The following TNIK variants were observed in gnomAD, a reference collection of about 807,000 sequenced individuals.
TNIK encodes TRAF2 and NCK-interacting protein kinase.
A neutral mutation model predicts 191.3 loss-of-function variants in TNIK; 49 were observed. The ratio of observed to expected loss-of-function variants is 0.26; its 90% CI spans 0.20 to 0.32. The LOEUF (loss-of-function observed/expected upper bound fraction) is 0.32. Among genes scored for constraint, TNIK ranks in the 10% least tolerant of loss-of-function variants. The pLI is 1.00. For missense variants in TNIK, 1,155 were observed against 1,702.3 expected, an observed-to-expected ratio of 0.68 and a Z score of 5.66; for synonymous variants, 594 against 600.9, an observed-to-expected ratio of 0.99 and a Z score of 0.17.
chr3:171,162,847 T>TA (rs1380767452), intron 10 of TNIK, among the ~76,000 whole-genome samples: 1 of 152,162 alleles, frequency 6.6e-6, no homozygotes, highest in African/African-American at 2.4e-5. Flanking sequence ...TTTTCCAACT[T>TA]AAAAAATAGT....
At chr3:171,352,131 G>C (rs1713305852) in intron 2 of TNIK, among the ~76,000 whole-genome samples, 2 of 152,154 alleles carry the variant, frequency 1.3e-5, no homozygotes, top group Non-Finnish European at 2.9e-5. Context: ...TCATGCTGCT[G>C]GACAGCAGGC....
rs539086903 is a variant in TNIK at position 171,304,701 on chromosome 3, T to C, written c.123+64919A>G. Among the ~76,000 whole-genome samples, 21 of 152,220 alleles carry C rather than the reference T, an allele frequency of 1.4e-4. 1 individual carries two copies. In the East Asian group the frequency reaches 3.9e-3, roughly 28 times the overall value. ...AGCCATAAAAAATGATGAGTTCATG[T>C]CCTTTGTAGGGACATGGATGAAGCT... On this transcript the variant is annotated intron_variant, in intron 2 of 32. Coordinates refer to ENST00000436636, the MANE Select transcript of TNIK (RefSeq NM_015028.4).
At chr3:171,346,827 C>T in intron 2 of TNIK, 1 of 196,528 alleles carries the variant, frequency 5.1e-6, no homozygotes, top group Non-Finnish European at 1.0e-5. Context: ...TGAGAAAGAA[C>T]AGCACTAAGA....
At chr3:171,392,484 T>G (rs1719665866) in intron 1 of TNIK, among the ~76,000 whole-genome samples, 1 of 152,118 alleles carries the variant, frequency 6.6e-6, no homozygotes, top group African/African-American at 2.4e-5. Context: ...CATATTTTAT[T>G]ATTAAGAAAA....
At chr3:171,319,702 C>T (rs919366521) in intron 2 of TNIK, among the ~76,000 whole-genome samples, 3 of 152,080 alleles carry the variant, frequency 2.0e-5, no homozygotes, top group Non-Finnish European at 2.9e-5. Context: ...TATAGCCTTA[C>T]GTTTCTCAAG....
chr3:171,200,597 G>T lies in TNIK; in HGVS notation c.307-5962C>A, dbSNP rs555579052. Among the ~76,000 whole-genome samples, 22 of 152,222 alleles carry T rather than the reference G, an allele frequency of 1.4e-4. No individual in the cohort carries two copies. The South Asian group carries it at 4.6e-3, about 32-fold the overall frequency. ...TCTCCAGGACAATATTTAAGTAAAG[G>T]GTCCTCAGCCTCAGCTGATTCCAGA... On this transcript the variant is annotated intron_variant, in intron 4 of 32. Transcript: ENST00000436636.
chr3:171,267,919 A>C (rs546357898), intron 2 of TNIK, among the ~76,000 whole-genome samples: 10 of 152,302 alleles, frequency 6.6e-5, no homozygotes, highest in African/African-American at 2.4e-4. Flanking sequence ...GAAAGACCTC[A>C]TATCCACTCC....
intron 2 of TNIK, among the ~76,000 whole-genome samples, chr3:171,333,584 G>GAAAAAAAAA (rs562856294): frequency 4.4e-5 from 5 of 114,242 alleles, no homozygotes; most frequent in African/African-American, 1.5e-4. Flanking sequence ...CAAAAAGAAA[G>GAAAAAAAAA]AAAAAAAAAA....
chr3:171,119,007 G>A (rs1290870067), intron 18 of TNIK, among the ~76,000 whole-genome samples: 1 of 152,050 alleles, frequency 6.6e-6, no homozygotes, highest in Non-Finnish European at 1.5e-5. Flanking sequence ...CAGCCAACCA[G>A]AGTGAACAGA....
intron 32 of TNIK, 101 bp from the exon 33 acceptor site, chr3:171,064,065 G>GT: frequency 9.0e-7 from 1 of 1,115,042 alleles, no homozygotes; most frequent in Non-Finnish European, 1.3e-6. Flanking sequence ...TCCTTGCCAT[G>GT]TGTCAGGTCT....
chr3:171,100,994 A>G (rs1400030909), intron 22 of TNIK, among the ~76,000 whole-genome samples: 2 of 152,088 alleles, frequency 1.3e-5, no homozygotes, highest in Non-Finnish European at 2.9e-5. Flanking sequence ...TGGGATGGTA[A>G]CGCATGCTGG....
At chr3:171,362,435 A>C (rs962664982) in intron 2 of TNIK, among the ~76,000 whole-genome samples, 2 of 152,212 alleles carry the variant, frequency 1.3e-5, no homozygotes, top group Admixed American at 1.3e-4. Context: ...CTAATATTTA[A>C]TACAAATAAT....
intron 2 of TNIK, among the ~76,000 whole-genome samples, chr3:171,320,346 C>T (rs1289206833): frequency 1.3e-5 from 2 of 152,026 alleles, no homozygotes; most frequent in Admixed American, 6.6e-5. Flanking sequence ...AGGGGCTTCA[C>T]TAAAATGGTC....
At chr3:171,119,557 A>G (rs13079775) in intron 18 of TNIK, among the ~76,000 whole-genome samples, 1 of 151,926 alleles carries the variant, frequency 6.6e-6, no homozygotes, top group African/African-American at 2.4e-5. Flanking sequence ...AATGTCCAAC[A>G]ATGATAGACT....
At chr3:171,152,829 T>C (rs527713897) in intron 12 of TNIK, among the ~76,000 whole-genome samples, 1 of 151,764 alleles carries the variant, frequency 6.6e-6, no homozygotes, top group East Asian at 1.9e-4. Context: ...TGGAGTGCAG[T>C]GGCATGATCT....
At chr3:171,200,461 T>C (rs565627492) in intron 4 of TNIK, among the ~76,000 whole-genome samples, 18 of 151,796 alleles carry the variant, frequency 1.2e-4, no homozygotes, top group Non-Finnish European at 2.4e-4. Context: ...CACTTCACAA[T>C]TTGCATGGTT....
At chr3:171,307,615 C>G in intron 2 of TNIK, among the ~76,000 whole-genome samples, 1 of 152,158 alleles carries the variant, frequency 6.6e-6, no homozygotes, top group Non-Finnish European at 1.5e-5. Flanking sequence ...ATTCAGCCTT[C>G]ATTTTCAAAA....
At chr3:171,425,438 C>T (rs1367761575) in intron 1 of TNIK, among the ~76,000 whole-genome samples, 3 of 152,158 alleles carry the variant, frequency 2.0e-5, no homozygotes, top group African/African-American at 4.8e-5. Flanking sequence ...AGAGTATTTA[C>T]GTTTAACTCT....
chr3:171,279,608 A>C (rs1750190037), intron 2 of TNIK, among the ~76,000 whole-genome samples: 1 of 152,216 alleles, frequency 6.6e-6, no homozygotes, highest in African/African-American at 2.4e-5. Context: ...AAAATGGTTC[A>C]TAATTTGGTC....
Sources: gnomAD v4.1 joint callset for allele counts (sites outside exome capture counted in the v4.1 genomes callset) on GRCh38, gnomAD v4.1.1 for gene constraint, MANE v1.5 for transcripts, NCBI Gene and HGNC (gene_info 2026-07-23, HGNC 2026-07-21) for gene names.